Variants in MYO1D observed in about 807,000 individuals in gnomAD.
MYO1D encodes the protein unconventional myosin-Id.
MYO1D carries 83 observed loss-of-function variants against 122.0 expected under a neutral mutation model. That is an observed-to-expected ratio of 0.68 (90% confidence interval 0.57 to 0.82). MYO1D has a LOEUF of 0.82. Ranked by LOEUF, MYO1D falls within the 40% of genes least tolerant of loss-of-function variation. The pLI is 0.00. For missense variants in MYO1D, 1,157 were observed against 1,269.5 expected (o/e 0.91, Z 1.35); for synonymous variants, 464 against 446.9 (o/e 1.04, Z -0.48).
chr17:32,759,597 A>G (rs143814565), intron 10 of MYO1D, among the ~76,000 whole-genome samples: 51 of 152,264 alleles, frequency 3.3e-4, no homozygotes, highest in African/African-American at 1.2e-3. Context: ...AAAAATTACT[A>G]TGTCTCATTT....
rs372000046 is a variant in MYO1D at position 32,758,132 on chromosome 17, C to A, written c.1296+2158G>T. On this transcript the variant is annotated intron_variant, in intron 10 of 21. Transcript: ENST00000318217. ...TCTAACAACCAATATACAGGACATA[C>A]AAGAAACAGAGAAACATATTAAATG... 7.9e-5 allele frequency among the ~76,000 whole-genome samples: 12 copies of A among 152,120 alleles called. No homozygotes were observed. The East Asian group carries it at 1.7e-3, about 22-fold the overall frequency.
intron 21 of MYO1D, among the ~76,000 whole-genome samples, chr17:32,511,605 C>CTTTTTTTTT (rs5819985): frequency 1.4e-5 from 2 of 143,588 alleles, no homozygotes; most frequent in Admixed American, 6.9e-5. Flanking sequence ...CTGTATTGAA[C>CTTTTTTTTT]TTTTTTTTTT....
At chr17:32,554,136 A>G (rs1165361724) in intron 21 of MYO1D, among the ~76,000 whole-genome samples, 2 of 152,136 alleles carry the variant, frequency 1.3e-5, no homozygotes, top group East Asian at 1.9e-4. Context: ...CCTCTGTTCA[A>G]TATGTTCTTT....
chr17:32,534,791 C>T (rs1266544863), intron 21 of MYO1D, among the ~76,000 whole-genome samples: 1 of 152,014 alleles, frequency 6.6e-6, no homozygotes, highest in East Asian at 1.9e-4. Flanking sequence ...TCTCTTTACA[C>T]CCCGTAGATG....
chr17:32,783,377 C>G (rs1414185024), intron 1 of MYO1D, among the ~76,000 whole-genome samples: 1 of 151,944 alleles, frequency 6.6e-6, no homozygotes, highest in African/African-American at 2.4e-5. Context: ...TTCTATTAAC[C>G]TATAGGCACC....
At chr17:32,527,620 C>G (rs1215521122) in intron 21 of MYO1D, among the ~76,000 whole-genome samples, 1 of 150,408 alleles carries the variant, frequency 6.6e-6, no homozygotes, top group Non-Finnish European at 1.5e-5. Flanking sequence ...TAGTGAGACC[C>G]CGTCTATACT....
chr17:32,588,965 T>C (rs968167961), intron 21 of MYO1D, among the ~76,000 whole-genome samples: 2 of 93,206 alleles, frequency 2.1e-5, no homozygotes, highest in Admixed American at 2.1e-4. Context: ...AACAAACAAA[T>C]AAAACAAAAA....
At chr17:32,606,881 T>G (rs2087634414) in intron 20 of MYO1D, among the ~76,000 whole-genome samples, 1 of 152,122 alleles carries the variant, frequency 6.6e-6, no homozygotes, top group Non-Finnish European at 1.5e-5. Context: ...AAAAAGCGGC[T>G]GGGTGTGGTG....
intron 1 of MYO1D, among the ~76,000 whole-genome samples, chr17:32,833,984 C>A (rs1445757490): frequency 6.6e-6 from 1 of 152,080 alleles, no homozygotes; most frequent in Non-Finnish European, 1.5e-5. Context: ...ATATACTTTG[C>A]TTCTTTATCA....
intron 16 of MYO1D, among the ~76,000 whole-genome samples, chr17:32,707,962 G>A (rs1389237586): frequency 2.0e-5 from 3 of 152,168 alleles, no homozygotes; most frequent in Admixed American, 2.0e-4. Flanking sequence ...ACTCTTGGAA[G>A]CCTGCTCCTG....
chr17:32,656,166 A>T (rs2088474645), intron 17 of MYO1D, among the ~76,000 whole-genome samples: 2 of 152,228 alleles, frequency 1.3e-5, no homozygotes, highest in Non-Finnish European at 2.9e-5. Flanking sequence ...GGAAGCAAAC[A>T]GAGAACTTCC....
chr17:32,749,076 A>C (rs561644084), intron 11 of MYO1D, 70 bp from the exon 12 acceptor site: 1 of 1,320,310 alleles, frequency 7.6e-7, no homozygotes, highest in South Asian at 1.2e-5. Flanking sequence ...ATTCCAGCTT[A>C]ATATGAAATG....
intron 15 of MYO1D, among the ~76,000 whole-genome samples, chr17:32,718,612 A>T (rs1438461184): frequency 6.6e-6 from 1 of 152,010 alleles, no homozygotes; most frequent in Admixed American, 6.5e-5. Flanking sequence ...GGGGTGGGAG[A>T]ATCGCTTGAA....
intron 1 of MYO1D, among the ~76,000 whole-genome samples, chr17:32,873,857 T>C (rs1046966395): frequency 6.6e-6 from 1 of 152,234 alleles, no homozygotes; most frequent in African/African-American, 2.4e-5. Flanking sequence ...TTGAATGATG[T>C]GGAGATTGGG....
intron 16 of MYO1D, among the ~76,000 whole-genome samples, chr17:32,702,830 G>A (rs1027063924): frequency 9.2e-5 from 14 of 152,156 alleles, no homozygotes; most frequent in African/African-American, 3.4e-4. Flanking sequence ...ACAGTTCACT[G>A]TATCATGGAT....
At chr17:32,876,681 G>A in intron 1 of MYO1D, 97 bp downstream of exon 1, 1 of 994,844 alleles carries the variant, frequency 1.0e-6, no homozygotes, top group Non-Finnish European at 1.4e-6. Flanking sequence ...CCTGGAGCTT[G>A]GGCGCTCCCG....
At chr17:32,781,588 AT>A (rs1221523836) in intron 1 of MYO1D, among the ~76,000 whole-genome samples, 1 of 152,174 alleles carries the variant, frequency 6.6e-6, no homozygotes, top group Non-Finnish European at 1.5e-5. Flanking sequence ...ACACAGATAT[AT>A]TTTATAAATG....
At chr17:32,749,153 T>C in intron 11 of MYO1D, 147 bp from the exon 12 acceptor site, 1 of 718,768 alleles carries the variant, frequency 1.4e-6, no homozygotes. Context: ...GCTTATGTAT[T>C]ATAAAGACTA....
At chr17:32,856,005 G>A (rs2091024677) in intron 1 of MYO1D, among the ~76,000 whole-genome samples, 1 of 152,130 alleles carries the variant, frequency 6.6e-6, no homozygotes, top group African/African-American at 2.4e-5. Context: ...GCATTATAAT[G>A]ACGGTACCGA....
Sources: allele counts gnomAD v4.1 joint callset (sites outside exome capture counted in the v4.1 genomes callset), GRCh38; gene constraint gnomAD v4.1.1; transcripts MANE v1.5; gene names NCBI Gene and HGNC (gene_info 2026-07-23, HGNC 2026-07-21).